CAPN3: variants seen among roughly 807,000 people sequenced by gnomAD.
CAPN3 encodes calpain-3.
In CAPN3, 88 loss-of-function variants were observed where a neutral mutation model predicts 114.0. The ratio of observed to expected loss-of-function variants is 0.77; its 90% CI spans 0.65 to 0.92. The LOEUF (loss-of-function observed/expected upper bound fraction) is 0.92, where lower values mean the gene tolerates loss of function less well. Ranked by LOEUF, CAPN3 falls within the 40% of genes least tolerant of loss-of-function variation. The pLI, the probability that CAPN3 is intolerant of heterozygous loss-of-function variation, is 0.00. For missense variants in CAPN3, 1,028 were observed against 1,069.0 expected (o/e 0.96, Z 0.53); for synonymous variants, 386 against 382.9 (o/e 1.01, Z -0.09).
chr15:42,384,425 C>A (rs138688613), intron 1 of CAPN3, 58 bp from the exon 2 acceptor site: 2 of 1,232,262 alleles, frequency 1.6e-6, no homozygotes, highest in Non-Finnish European at 1.2e-6. Context: ...AAATACCTAT[C>A]TATCTATCTG....
chr15:42,394,379 G>C (rs1291640398), intron 8 of CAPN3, 38 bp downstream of exon 8: 1 of 1,494,118 alleles, frequency 6.7e-7, no homozygotes, highest in Admixed American at 2.0e-5. Context: ...CGGTGGCGGG[G>C]AACAGGGTCC....
chr15:42,373,006 T>C (rs1262445644), intron 1 of CAPN3, among the ~76,000 whole-genome samples: 2 of 151,796 alleles, frequency 1.3e-5, no homozygotes, highest in Non-Finnish European at 2.9e-5. Context: ...CTAGCCAATA[T>C]GGTGAAACCC....
At chr15:42,389,272 C>G (rs989624519) in intron 5 of CAPN3, among the ~76,000 whole-genome samples, 176 bp downstream of exon 5, 1 of 152,088 alleles carries the variant, frequency 6.6e-6, no homozygotes, top group African/African-American at 2.4e-5. Flanking sequence ...ACAGTTCTTC[C>G]GGATTTTCAA....
In CAPN3 at chr15:42,390,094, C is replaced by T. The variant is rs748651267; in HGVS notation, c.943C>T (p.Arg315Trp). 8.7e-6 allele frequency: 14 copies of T among 1,613,992 alleles called. No individual in the cohort carries two copies. Among genetic ancestry groups the T allele is most frequent in the Admixed American group, 6.7e-5 (4 of 59,996 alleles). ...CAGAGGCTCAGATGAAAGACCGACC[C>T]GGGTGTGTACACCTCCGATTATCAG... is the stretch of plus-strand genomic sequence containing the variant. The part of the protein sequence containing the change: ...DPRGSDERPT[R>W]TIIPVQYETR... Residue 315 changes from arginine (R) to tryptophan (W), a missense_variant and splice_region_variant, in exon 6 of 24, where the codon CGG becomes TGG. Transcript: ENST00000397163.
chr15:42,411,034 T>C, intron 22 of CAPN3, 34 bp downstream of exon 22: 1 of 1,486,644 alleles, frequency 6.7e-7, no homozygotes. Flanking sequence ...CTCTGCTCTC[T>C]TGCAGGGGCA....
At chr15:42,410,785 C>G in intron 21 of CAPN3, 99 bp from the exon 22 acceptor site, 4 of 1,372,772 alleles carry the variant, frequency 2.9e-6, no homozygotes, top group Non-Finnish European at 4.2e-6. Context: ...TTCTCACTTT[C>G]CCTTCCCAGG....
At chr15:42,372,587 C>T (rs1345402349) in intron 1 of CAPN3, among the ~76,000 whole-genome samples, 1 of 152,136 alleles carries the variant, frequency 6.6e-6, no homozygotes, top group Non-Finnish European at 1.5e-5. Flanking sequence ...GTGGCTCACA[C>T]GTGTAATCCC....
rs543558814 is a variant in CAPN3, at chr15:42,407,018, T to C, written c.1800+1075T>C. On this transcript the variant is annotated intron_variant, in intron 15 of 23. Coordinates refer to ENST00000397163, the MANE Select transcript of CAPN3 (RefSeq NM_000070.3). ...GAGTCCAGGCGGGCTGCTTTTCTGC[T>C]CCGAGAGGCTCTGCCTGCCCAGTTG... 5.9e-5 allele frequency among the ~76,000 whole-genome samples: 9 copies of C among 152,162 alleles called. No homozygotes were observed. The East Asian group carries it at 1.7e-3, about 29-fold the overall frequency.
intron 4 of CAPN3, among the ~76,000 whole-genome samples, chr15:42,388,437 C>T (rs2053460673): frequency 6.6e-6 from 1 of 152,170 alleles, no homozygotes; most frequent in African/African-American, 2.4e-5. Flanking sequence ...TCCCAAGTAG[C>T]TGGGACTACA....
At position 42,380,368 on chromosome 15, in the gene CAPN3, C is replaced by CT. The variant is rs776441239; in HGVS notation, c.310-4086dup. 6.7e-3 allele frequency among the ~76,000 whole-genome samples: 307 copies of CT among 46,100 alleles called. 66 individuals carry two copies. Among genetic ancestry groups the CT allele is most frequent in the African/African-American group, 0.014 (122 of 8,812 alleles). The allele number at this position is 46,100 out of a possible 152,430, so 30.2% of individuals were successfully genotyped here. On this transcript the variant is annotated intron_variant, in intron 1 of 23. Coordinates refer to ENST00000397163, the MANE Select transcript of CAPN3 (RefSeq NM_000070.3). ...TATCCTTTTACCTCTTCTTTTTTGT[C>CT]TTTTTTTTTTTTTTTTTTTTTTTTT... is the stretch of plus-strand genomic sequence containing the variant.
chr15:42,403,952 C>T (rs2053946734), intron 14 of CAPN3, 175 bp downstream of exon 14: 13 of 707,710 alleles, frequency 1.8e-5, no homozygotes, highest in Admixed American at 4.0e-5. Flanking sequence ...CAGAAGTAAT[C>T]GGCCTTAAGC....
chr15:42,378,054 C>T (rs1038784827), intron 1 of CAPN3, among the ~76,000 whole-genome samples: 13 of 152,312 alleles, frequency 8.5e-5, no homozygotes, highest in African/African-American at 3.1e-4. Flanking sequence ...GGATGAATAA[C>T]ATACCAAGAC....
chr15:42,398,632 CACATATATAT>C (rs771231952), intron 9 of CAPN3, among the ~76,000 whole-genome samples: 4 of 128,176 alleles, frequency 3.1e-5, no homozygotes, highest in East Asian at 4.3e-4. Context: ...CACACACACA[CACATATATAT>C]ACACACATAT....
At chr15:42,367,437 ACTTTTCCATTT>A (rs2052817894) in intron 1 of CAPN3, among the ~76,000 whole-genome samples, 1 of 152,230 alleles carries the variant, frequency 6.6e-6, no homozygotes, top group South Asian at 2.1e-4. Flanking sequence ...GCTGACACGT[ACTTTTCCATTT>A]TCATTCAATC....
intron 9 of CAPN3, among the ~76,000 whole-genome samples, chr15:42,398,181 A>C (rs2053755778): frequency 6.6e-6 from 1 of 151,566 alleles, no homozygotes; most frequent in African/African-American, 2.4e-5. Context: ...ATTTTGATAC[A>C]CATATACAAT....
chr15:42,359,545 A>T lies in CAPN3; in HGVS notation c.-261A>T, dbSNP rs2052584149. The T allele has an allele frequency of 2.2e-6, 3 of 1,341,512 alleles. No homozygotes were observed. The African/African-American group carries it at 4.4e-5, about 20-fold the overall frequency. 83.1% of individuals were successfully genotyped at this position (1,341,512 alleles called of 1,614,324 possible). A position where few individuals can be genotyped will look rare whatever the true frequency, so the allele number is the denominator to read the frequency against. On this transcript the variant is annotated 5_prime_UTR_variant, in exon 1 of 24. Transcript: ENST00000397163. ...CTGGCATGCATGCTGCTGGTAGGAGACCCCCAAGTCAACATTGCTTCAGAA... is the reference window on the plus strand; with the variant it reads ...CTGGCATGCATGCTGCTGGTAGGAGTCCCCCAAGTCAACATTGCTTCAGAA...
chr15:42,377,825 A>G (rs1595810883), intron 1 of CAPN3, among the ~76,000 whole-genome samples: 1 of 152,264 alleles, frequency 6.6e-6, no homozygotes, highest in East Asian at 1.9e-4. Context: ...AGGGTTATTA[A>G]TTATTGACTC....
intron 1 of CAPN3, among the ~76,000 whole-genome samples, chr15:42,375,303 T>G (rs1430852248): frequency 1.3e-5 from 2 of 152,122 alleles, no homozygotes; most frequent in East Asian, 3.9e-4. Flanking sequence ...ATCTTTCACC[T>G]AAGGCTTGTT....
intron 1 of CAPN3, among the ~76,000 whole-genome samples, chr15:42,378,374 G>A (rs1426278831): frequency 6.6e-6 from 1 of 152,086 alleles, no homozygotes; most frequent in South Asian, 2.1e-4. Context: ...AAGTGGATTC[G>A]GCTGCCTTCA....
Sources: allele counts gnomAD v4.1 joint callset (sites outside exome capture counted in the v4.1 genomes callset), GRCh38; gene constraint gnomAD v4.1.1; transcripts MANE v1.5; gene names NCBI Gene and HGNC (gene_info 2026-07-23, HGNC 2026-07-21).